CSNK1G1: variants seen among roughly 807,000 people sequenced by gnomAD.
CSNK1G1 encodes casein kinase 1 gamma 1.
Under a neutral mutation model 59.6 loss-of-function variants are expected in CSNK1G1, and 22 were observed. The ratio of observed to expected loss-of-function variants is 0.37; its 90% CI spans 0.26 to 0.53. The LOEUF is 0.53. Among genes scored for constraint, CSNK1G1 ranks in the 20% least tolerant of loss-of-function variants. The pLI is 0.89. For missense variants in CSNK1G1, 384 were observed against 519.5 expected (o/e 0.74, Z 2.54); for synonymous variants, 179 against 177.1 (o/e 1.01, Z -0.08).
chr15:64,232,212 T>C (rs1161191364), intron 4 of CSNK1G1, among the ~76,000 whole-genome samples: 3 of 152,214 alleles, frequency 2.0e-5, no homozygotes, highest in East Asian at 3.8e-4. Flanking sequence ...GGATGGAATA[T>C]AAATTACTTT....
At chr15:64,222,890 G>T (rs2082409849) in intron 4 of CSNK1G1, among the ~76,000 whole-genome samples, 1 of 152,158 alleles carries the variant, frequency 6.6e-6, no homozygotes, top group South Asian at 2.1e-4. Flanking sequence ...TCTTTCAGAA[G>T]TTATTTCAGA....
intron 1 of CSNK1G1, among the ~76,000 whole-genome samples, chr15:64,334,402 G>A (rs977300639): frequency 5.3e-5 from 8 of 152,126 alleles, no homozygotes; most frequent in African/African-American, 1.9e-4. Flanking sequence ...GACTGGGGGT[G>A]GAGGGCAGGG....
Position 64,167,741 on chromosome 15 carries a change from T to C in CSNK1G1, c.*4190A>G, listed in dbSNP as rs538892162. On this transcript the variant is annotated 3_prime_UTR_variant, in exon 12 of 12. Coordinates refer to ENST00000303052, the MANE Select transcript of CSNK1G1 (RefSeq NM_022048.5). ...TGGTTTAAATGTGAAATGGAAGAGG[T>C]GGCTGGAACACAGGAGGCATGTGGG... The C allele has an allele frequency of 2.0e-5, 3 of 152,640 alleles. No individual in the cohort carries two copies. Among genetic ancestry groups the C allele is most frequent in the Admixed American group, 2.0e-4 (3 of 15,294 alleles). 9.5% of individuals were successfully genotyped at this position (152,640 alleles called of 1,614,324 possible).
At chr15:64,331,386 A>G (rs1897105368) in intron 1 of CSNK1G1, among the ~76,000 whole-genome samples, 1 of 113,320 alleles carries the variant, frequency 8.8e-6, no homozygotes, top group Non-Finnish European at 1.8e-5. Flanking sequence ...ACCTACAACT[A>G]TCTGATCTTT....
rs1315102088 is a variant in CSNK1G1 at position 64,201,705 on chromosome 15, CATGTGT to C, written c.1107+1371_1107+1376del. On this transcript the variant is annotated intron_variant, in intron 10 of 11. Transcript: ENST00000303052. ...ATATTTGTGGGTGTACTCCATTGGA[CATGTGT>C]GTGTGTGTGTGTGTGTGTGTGTGTG... Among the ~76,000 whole-genome samples the C allele has an allele frequency of 6.8e-3, 712 of 104,232 alleles. 5 individuals are homozygous for C. Among genetic ancestry groups the C allele is most frequent in the African/African-American group, 0.024 (682 of 28,740 alleles). 68.4% of individuals were successfully genotyped at this position (104,232 alleles called of 152,430 possible).
chr15:64,259,732 T>C (rs1488883246), intron 2 of CSNK1G1, among the ~76,000 whole-genome samples: 2 of 152,176 alleles, frequency 1.3e-5, no homozygotes, highest in Non-Finnish European at 2.9e-5. Flanking sequence ...AAACCAATTA[T>C]TGCCCAAACC....
chr15:64,184,195 C>T (rs1298206210), intron 10 of CSNK1G1, among the ~76,000 whole-genome samples: 1 of 151,544 alleles, frequency 6.6e-6, no homozygotes, highest in East Asian at 2.0e-4. Context: ...CCCAGCTACT[C>T]GGGAGGCTGA....
chr15:64,174,084 T>G (rs1017698349), intron 11 of CSNK1G1, among the ~76,000 whole-genome samples: 5 of 152,246 alleles, frequency 3.3e-5, no homozygotes, highest in Non-Finnish European at 7.3e-5. Context: ...CAACTTCTAT[T>G]CTTAATCTTT....
chr15:64,305,380 G>C (rs1895619453), intron 1 of CSNK1G1, among the ~76,000 whole-genome samples: 1 of 152,010 alleles, frequency 6.6e-6, no homozygotes, highest in Non-Finnish European at 1.5e-5. Flanking sequence ...AGGACAATTT[G>C]AGTACCAATA....
At chr15:64,255,351 A>G (rs77705884) in intron 3 of CSNK1G1, among the ~76,000 whole-genome samples, 6,514 of 152,250 alleles carry the variant, frequency 0.043, 153 homozygotes, top group South Asian at 0.079. Context: ...CTGAGATTAC[A>G]GGCATGAGCC....
intron 4 of CSNK1G1, among the ~76,000 whole-genome samples, chr15:64,238,553 A>C (rs944208187): frequency 6.3e-5 from 9 of 142,622 alleles, no homozygotes; most frequent in African/African-American, 1.1e-4. Context: ...ATGAAAAAAA[A>C]CCCACATTCC....
intron 10 of CSNK1G1, among the ~76,000 whole-genome samples, chr15:64,195,358 C>A (rs1285597680): frequency 6.6e-6 from 1 of 152,124 alleles, no homozygotes; most frequent in Non-Finnish European, 1.5e-5. Context: ...ACAACAAAAC[C>A]CACCATAATA....
chr15:64,299,284 G>C (rs1396012407), intron 2 of CSNK1G1, among the ~76,000 whole-genome samples: 5 of 151,906 alleles, frequency 3.3e-5, no homozygotes, highest in Non-Finnish European at 5.9e-5. Flanking sequence ...CATCAAGGGA[G>C]AGCCATTAAA....
chr15:64,311,899 A>G (rs530535919), intron 1 of CSNK1G1, among the ~76,000 whole-genome samples: 81 of 152,236 alleles, frequency 5.3e-4, no homozygotes, highest in African/African-American at 1.8e-3. Flanking sequence ...TTAAGCTGAT[A>G]AGCAACTTCA....
intron 10 of CSNK1G1, among the ~76,000 whole-genome samples, chr15:64,199,024 T>G (rs2082072368): frequency 1.3e-5 from 2 of 151,334 alleles, no homozygotes; most frequent in Admixed American, 6.6e-5. Flanking sequence ...GGCAGATTGC[T>G]TGAACCCAGG....
chr15:64,335,152 G>A (rs1040287474), intron 1 of CSNK1G1, among the ~76,000 whole-genome samples: 10 of 152,142 alleles, frequency 6.6e-5, no homozygotes, highest in African/African-American at 2.4e-4. Context: ...CCTAATACAT[G>A]CTTTTAGGAA....
At chr15:64,244,023 G>A (rs1399509416) in intron 4 of CSNK1G1, among the ~76,000 whole-genome samples, 2 of 151,436 alleles carry the variant, frequency 1.3e-5, no homozygotes, top group African/African-American at 4.9e-5. Context: ...ACAAAAACTA[G>A]CTGGGTGTGG....
At chr15:64,180,519 G>T in intron 10 of CSNK1G1, 65 bp from the exon 11 acceptor site, 1 of 1,306,446 alleles carries the variant, frequency 7.7e-7, no homozygotes, top group Non-Finnish European at 1.1e-6. Flanking sequence ...GCCAGCGCCA[G>T]ACAGGGTCGC....
At chr15:64,343,156 G>C (rs940611371) in intron 1 of CSNK1G1, among the ~76,000 whole-genome samples, 1 of 141,282 alleles carries the variant, frequency 7.1e-6, no homozygotes, top group South Asian at 2.2e-4. Context: ...AGGTTGCAGC[G>C]AGCTGAGATC....
Sources: gnomAD v4.1 joint callset for allele counts (sites outside exome capture counted in the v4.1 genomes callset) on GRCh38, gnomAD v4.1.1 for gene constraint, MANE v1.5 for transcripts, NCBI Gene and HGNC (gene_info 2026-07-23, HGNC 2026-07-21) for gene names.